Variants in PDE8B observed in about 807,000 individuals in gnomAD.
PDE8B encodes high affinity cAMP-specific and IBMX-insensitive 3',5'-cyclic phosphodiesterase 8B.
In PDE8B, 26 loss-of-function variants were observed where a neutral mutation model predicts 101.3. The ratio of observed to expected loss-of-function variants is 0.26; its 90% CI spans 0.19 to 0.36. PDE8B has a LOEUF of 0.36. Ranked by LOEUF, PDE8B falls within the 10% of genes least tolerant of loss-of-function variation. PDE8B has a pLI of 1.00. For missense variants in PDE8B, 810 were observed against 1,163.1 expected (o/e 0.70, Z 4.42); for synonymous variants, 424 against 429.3 (o/e 0.99, Z 0.15).
the PDE8B span, among the ~76,000 whole-genome samples, chr5:77,121,632 C>T: frequency 2.6e-5 from 4 of 152,006 alleles, no homozygotes; most frequent in South Asian, 2.1e-4. Context: ...CTCAGCCTCC[C>T]GAGTAGCTGG....
chr5:77,308,816 C>T (rs2150097194), intron 1 of PDE8B, among the ~76,000 whole-genome samples: 1 of 152,234 alleles, frequency 6.6e-6, no homozygotes, highest in South Asian at 2.1e-4. Flanking sequence ...AGTCGCCTGC[C>T]CTTCCCCGCC....
At chr5:77,251,257 T>A (rs1758001497) in intron 1 of PDE8B, among the ~76,000 whole-genome samples, 1 of 152,254 alleles carries the variant, frequency 6.6e-6, no homozygotes, top group African/African-American at 2.4e-5. Flanking sequence ...AGGTCATCTG[T>A]ATTTTTTTCT....
chr5:77,143,154 T>C, the PDE8B span, among the ~76,000 whole-genome samples: 71 of 152,330 alleles, frequency 4.7e-4, 1 homozygote, highest in East Asian at 0.013. Flanking sequence ...ATGTTCCCTA[T>C]GTGCGGCTCC....
chr5:77,424,222 CAG>C lies in PDE8B; in HGVS notation c.2419-1538_2419-1537del, dbSNP rs201793292. 1.0e-2 allele frequency among the ~76,000 whole-genome samples: 1,519 copies of C among 152,278 alleles called. 28 individuals are homozygous for C. Among genetic ancestry groups the C allele is most frequent in the African/African-American group, 0.035 (1,437 of 41,562 alleles). ...TCATCAATGGGCTTCCCCGGACCCA[CAG>C]AGAGAGGACCTGACGTACTACTCCT... On this transcript the variant is annotated intron_variant, in intron 20 of 21. Transcript: ENST00000264917.
chr5:77,351,051 C>G lies in PDE8B; in HGVS notation c.1018-14C>G, dbSNP rs1561567309. 1 of 1,604,210 alleles carries G rather than the reference C, an allele frequency of 6.2e-7. No homozygotes were observed. Among genetic ancestry groups the G allele is most frequent in the Non-Finnish European group, 8.5e-7 (1 of 1,170,972 alleles). On this transcript the variant is annotated splice_polypyrimidine_tract_variant and intron_variant, in intron 8 of 21. Transcript: ENST00000264917. Reference sequence around the variant, plus strand: ...TTGACTGAAGGATTTTAAGAGCTCTCTTTGTCCATGTAGGAGTGGCAGGGG... The same window carrying G: ...TTGACTGAAGGATTTTAAGAGCTCTGTTTGTCCATGTAGGAGTGGCAGGGG...
chr5:77,407,572 C>T, intron 13 of PDE8B, 115 bp downstream of exon 13: 2 of 782,076 alleles, frequency 2.6e-6, no homozygotes, highest in South Asian at 1.4e-5. Flanking sequence ...AAGCAAATAA[C>T]AGGCAAATAA....
the PDE8B span, chr5:77,144,347 G>A: frequency 6.1e-5 from 9 of 148,002 alleles, no homozygotes; most frequent in African/African-American, 2.1e-4. Flanking sequence ...AAGTTGCAGC[G>A]GGGACAAGAA....
chr5:77,096,752 C>A, the PDE8B span, among the ~76,000 whole-genome samples: 2 of 152,202 alleles, frequency 1.3e-5, no homozygotes, highest in Admixed American at 1.3e-4. Context: ...TCCCTCCAAT[C>A]GCTGCCTCTG....
the PDE8B span, among the ~76,000 whole-genome samples, chr5:77,159,819 C>T: frequency 1.3e-5 from 2 of 152,142 alleles, no homozygotes; most frequent in East Asian, 1.9e-4. Flanking sequence ...GGGTTGGTCT[C>T]CTCTGGTCTT....
chr5:77,183,444 T>C, the PDE8B span, among the ~76,000 whole-genome samples: 3 of 152,094 alleles, frequency 2.0e-5, no homozygotes, highest in South Asian at 2.1e-4. Context: ...ATTTTACAAA[T>C]GGGAGAGCTG....
intron 2 of PDE8B, among the ~76,000 whole-genome samples, chr5:77,323,163 C>T (rs1775405695): frequency 1.3e-5 from 2 of 152,168 alleles, no homozygotes; most frequent in African/African-American, 4.8e-5. Context: ...TTTATTCTAC[C>T]TGATTTTTCT....
the PDE8B span, chr5:77,088,779 G>T: frequency 6.6e-6 from 1 of 152,150 alleles, no homozygotes; most frequent in African/African-American, 2.4e-5. Context: ...TACAGGATAG[G>T]GGGTCATGGA....
chr5:77,106,854 G>A, the PDE8B span, among the ~76,000 whole-genome samples: 441 of 151,416 alleles, frequency 2.9e-3, 1 homozygote, highest in African/African-American at 9.3e-3. Context: ...ATTTTTTGAC[G>A]GCATTGTAAA....
chr5:77,336,115 TG>T (rs1778137885), intron 5 of PDE8B, among the ~76,000 whole-genome samples: 1 of 152,240 alleles, frequency 6.6e-6, no homozygotes, highest in Non-Finnish European at 1.5e-5. Context: ...TGACAATGTG[TG>T]CTGCATTTTC....
chr5:77,189,833 G>C, the PDE8B span, among the ~76,000 whole-genome samples: 6 of 152,182 alleles, frequency 3.9e-5, no homozygotes, highest in African/African-American at 1.4e-4. Flanking sequence ...AGAATAGCCT[G>C]AGGGAAGCCA....
chr5:77,341,029 T>G (rs960657508), intron 6 of PDE8B, among the ~76,000 whole-genome samples: 1 of 152,126 alleles, frequency 6.6e-6, no homozygotes. Flanking sequence ...GAATAAAACA[T>G]AAAGATACCT....
chr5:77,354,850 A>C (rs1781785420), intron 10 of PDE8B, among the ~76,000 whole-genome samples: 1 of 152,184 alleles, frequency 6.6e-6, no homozygotes, highest in Admixed American at 6.5e-5. Flanking sequence ...CCAGTCCTTC[A>C]TGACCCAGTG....
chr5:77,281,016 A>T (rs1580765506), intron 1 of PDE8B, among the ~76,000 whole-genome samples: 1 of 152,240 alleles, frequency 6.6e-6, no homozygotes. Context: ...ATGCAGGTCC[A>T]CCTGCCGAGG....
At chr5:77,155,525 CT>C in the PDE8B span, among the ~76,000 whole-genome samples, 1 of 152,238 alleles carries the variant, frequency 6.6e-6, no homozygotes, top group African/African-American at 2.4e-5. Context: ...ATTACTTAAT[CT>C]CTCTGTGTCT....
Sources: gnomAD v4.1 joint callset for allele counts (sites outside exome capture counted in the v4.1 genomes callset) on GRCh38, gnomAD v4.1.1 for gene constraint, MANE v1.5 for transcripts, NCBI Gene and HGNC (gene_info 2026-07-23, HGNC 2026-07-21) for gene names.